RNF182: variants seen among roughly 807,000 people sequenced by gnomAD.
The protein encoded by RNF182 is E3 ubiquitin-protein ligase RNF182.
RNF182 carries 15 observed loss-of-function variants against 14.4 expected under a neutral mutation model. The ratio of observed to expected loss-of-function variants is 1.04; its 90% CI spans 0.70 to 1.60. The LOEUF is 1.60. Among genes scored for constraint, RNF182 ranks in the 40% most tolerant of loss-of-function variants. RNF182 has a pLI of 0.00. For missense variants in RNF182, 268 were observed against 294.8 expected, an observed-to-expected ratio of 0.91 and a Z score of 0.67; for synonymous variants, 128 against 122.9, an observed-to-expected ratio of 1.04 and a Z score of -0.27.
At position 13,977,851 on chromosome 6, in the gene RNF182, A is replaced by G; in HGVS notation, c.732A>G (p.Ala244=). ...GTCATGAATTTCTAGACTGTATGGCACCTCCTTCTTAACTGATATGCAAAA... is the reference window on the plus strand; with the variant it reads ...GTCATGAATTTCTAGACTGTATGGCGCCTCCTTCTTAACTGATATGCAAAA... ...CVCHEFLDCM[A]PPS Residue 244 remains alanine, a synonymous_variant, in exon 3 of 3, where the codon GCA becomes GCG. Transcript: ENST00000488300. 1 of 1,611,376 alleles carries G rather than the reference A, an allele frequency of 6.2e-7. No homozygotes were observed. The highest frequency in any genetic ancestry group is 1.3e-5 in the African/African-American group (1 of 74,788).
In RNF182 at chr6:13,977,697, A is replaced by G. The variant is rs767405676; in HGVS notation, c.578A>G (p.Tyr193Cys). ...RVLVWLLGLLYFSSLPLGIYL... is the reference protein window; with the variant it reads ...RVLVWLLGLLCFSSLPLGIYL... ...TTAGTGTGGTTGCTAGGTTTGCTCT[A>G]CTTCAGCTCCTTACCCTTAGGAATC... is the stretch of plus-strand genomic sequence containing the variant. The change falls in exon 3 of 3, where the codon TAC becomes TGC. Residue 193 changes from tyrosine (Y) to cysteine (C), a missense_variant. Transcript: ENST00000488300. The G allele has an allele frequency of 6.2e-7, 1 of 1,614,154 alleles. No individual in the cohort carries two copies. Among genetic ancestry groups the G allele is most frequent in the African/African-American group, 1.3e-5 (1 of 75,042 alleles).
rs1561784304 is a variant in RNF182 at position 13,960,646 on chromosome 6, G to GAGAGAGAGAGAGA, written c.-366-13564_-366-13563insAGAGAGAGAGAGA. ...AGTAATATGTACTTTTTTGATGGAG[G>GAGAGAGAGAGAGA]GAGAGAGAGAGTGTGTGTGTGTGTG... is the stretch of plus-strand genomic sequence containing the variant. On this transcript the variant is annotated intron_variant, in intron 1 of 2. Coordinates refer to ENST00000488300, the MANE Select transcript of RNF182 (RefSeq NM_152737.4). Among the ~76,000 whole-genome samples, 111 of 148,140 alleles carry GAGAGAGAGAGAGA rather than the reference G, an allele frequency of 7.5e-4. 1 individual carries two copies. The highest frequency in any genetic ancestry group is 2.6e-3 in the African/African-American group (101 of 38,994).
At chr6:13,953,221 C>G (rs1228812889) in intron 1 of RNF182, among the ~76,000 whole-genome samples, 1 of 152,204 alleles carries the variant, frequency 6.6e-6, no homozygotes, top group Non-Finnish European at 1.5e-5. Flanking sequence ...TCATTTTACT[C>G]AGCCCCTAGG....
At chr6:13,969,435 T>C (rs1452996529) in intron 1 of RNF182, among the ~76,000 whole-genome samples, 1 of 151,754 alleles carries the variant, frequency 6.6e-6, no homozygotes, top group African/African-American at 2.4e-5. Flanking sequence ...AGAAGGGAGG[T>C]ACTATGATTA....
At chr6:13,927,086 A>G (rs1020488275) in intron 1 of RNF182, among the ~76,000 whole-genome samples, 2 of 152,216 alleles carry the variant, frequency 1.3e-5, no homozygotes, top group African/African-American at 4.8e-5. Flanking sequence ...CTGCCAAAAA[A>G]TAAAGTCGGT....
rs1760441466 is a variant in RNF182, at chr6:13,979,659, A to G, written c.*1796A>G. On this transcript the variant is annotated 3_prime_UTR_variant, in exon 3 of 3. Transcript: ENST00000488300. Reference sequence around the variant, plus strand: ...TTAGAGTAAATACCATGTTTAGAAGATGTTTTGTGGTTTGGATTTATATAT... The same window carrying G: ...TTAGAGTAAATACCATGTTTAGAAGGTGTTTTGTGGTTTGGATTTATATAT... 6.0e-6 allele frequency: 1 copy of G among 166,516 alleles called. No homozygotes were observed. The highest frequency in any genetic ancestry group is 1.5e-5 in the Non-Finnish European group (1 of 68,092). 10.3% of individuals were successfully genotyped at this position (166,516 alleles called of 1,614,324 possible).
intron 1 of RNF182, among the ~76,000 whole-genome samples, chr6:13,927,418 G>A (rs1395367067): frequency 1.3e-5 from 2 of 152,166 alleles, no homozygotes; most frequent in African/African-American, 4.8e-5. Context: ...GCTGATTCAC[G>A]GGAGTAGGAG....
chr6:13,944,756 G>A (rs894031470), intron 1 of RNF182, among the ~76,000 whole-genome samples: 1 of 152,182 alleles, frequency 6.6e-6, no homozygotes, highest in Non-Finnish European at 1.5e-5. Flanking sequence ...ACAATCAAGA[G>A]ACAGAAGCAC....
intron 2 of RNF182, among the ~76,000 whole-genome samples, chr6:13,974,849 T>C (rs909018061): frequency 1.3e-5 from 2 of 152,248 alleles, no homozygotes; most frequent in African/African-American, 4.8e-5. Context: ...ATACTTTCTT[T>C]TCCTTTTTCC....
rs184859066 is a variant in RNF182, at chr6:13,947,633, A to G, written c.-367+22610A>G. On this transcript the variant is annotated intron_variant, in intron 1 of 2. Coordinates refer to ENST00000488300, the MANE Select transcript of RNF182 (RefSeq NM_152737.4). ...AGTTGGATAAGTTTCTCTCCTCTGG[A>G]TGTCCCAAGATATTTGGGGCTCCTG... Among the ~76,000 whole-genome samples the G allele has an allele frequency of 9.9e-5, 15 of 152,268 alleles. No homozygotes were observed. The East Asian group carries it at 2.9e-3, about 29-fold the overall frequency.
chr6:13,963,107 G>C (rs548153618), intron 1 of RNF182, among the ~76,000 whole-genome samples: 2 of 152,272 alleles, frequency 1.3e-5, no homozygotes, highest in South Asian at 2.1e-4. Context: ...CTGTAGTAGA[G>C]CTTATGCAGT....
At chr6:13,970,687 T>A (rs529329626) in intron 1 of RNF182, among the ~76,000 whole-genome samples, 1 of 152,344 alleles carries the variant, frequency 6.6e-6, no homozygotes, top group Non-Finnish European at 1.5e-5. Flanking sequence ...GTGGTTGTAC[T>A]AATTTATATT....
chr6:13,964,175 A>T (rs1227911284), intron 1 of RNF182, among the ~76,000 whole-genome samples: 1 of 152,226 alleles, frequency 6.6e-6, no homozygotes, highest in Admixed American at 6.5e-5. Context: ...TATTTAGGAA[A>T]GATAGCCAAA....
chr6:13,947,355 A>C (rs755564177), intron 1 of RNF182, among the ~76,000 whole-genome samples: 8 of 152,246 alleles, frequency 5.3e-5, no homozygotes, highest in Non-Finnish European at 1.2e-4. Context: ...ATTTTTATTT[A>C]AACAAACCAT....
At chr6:13,927,686 C>T (rs2113572743) in intron 1 of RNF182, among the ~76,000 whole-genome samples, 1 of 152,320 alleles carries the variant, frequency 6.6e-6, no homozygotes, top group Non-Finnish European at 1.5e-5. Flanking sequence ...GCATAGGCAG[C>T]CTAAATAAAG....
intron 1 of RNF182, among the ~76,000 whole-genome samples, chr6:13,969,462 A>G (rs1188629688): frequency 6.6e-6 from 1 of 152,100 alleles, no homozygotes. Context: ...CCCACCCACC[A>G]TTTTGTAATT....
chr6:13,969,446 G>A (rs1172287757), intron 1 of RNF182, among the ~76,000 whole-genome samples: 1 of 152,064 alleles, frequency 6.6e-6, no homozygotes, highest in Non-Finnish European at 1.5e-5. Context: ...ACTATGATTA[G>A]CACAGCCCAC....
At chr6:13,945,952 C>T (rs1039546714) in intron 1 of RNF182, among the ~76,000 whole-genome samples, 1 of 151,974 alleles carries the variant, frequency 6.6e-6, no homozygotes, top group African/African-American at 2.4e-5. Context: ...GTGGCTATTC[C>T]ATAGAGAGAC....
intron 1 of RNF182, among the ~76,000 whole-genome samples, chr6:13,930,025 T>C (rs1327007432): frequency 6.6e-6 from 1 of 152,240 alleles, no homozygotes; most frequent in Non-Finnish European, 1.5e-5. Context: ...TTATTATTCG[T>C]ATTCATATAT....
Sources: gnomAD v4.1 joint callset for allele counts (sites outside exome capture counted in the v4.1 genomes callset) on GRCh38, gnomAD v4.1.1 for gene constraint, MANE v1.5 for transcripts, NCBI Gene and HGNC (gene_info 2026-07-23, HGNC 2026-07-21) for gene names.